Variants in GPC5 observed in about 807,000 individuals in gnomAD.
The protein encoded by GPC5 is glypican 5, also known as glypican-5.
In GPC5, 47 loss-of-function variants were observed where a neutral mutation model predicts 53.9. The ratio of observed to expected loss-of-function variants is 0.87; its 90% CI spans 0.69 to 1.11. The LOEUF (loss-of-function observed/expected upper bound fraction) is 1.11. GPC5 is among the 50% of genes most tolerant of loss of function. The pLI, the probability that GPC5 is intolerant of heterozygous loss-of-function variation, is 0.00. For synonymous variants in GPC5, 286 were observed against 263.3 expected (o/e 1.09, Z -0.84); for missense variants, 748 against 713.1 (o/e 1.05, Z -0.56).
chr13:92,384,863 C>T (rs1057128143), intron 7 of GPC5, among the ~76,000 whole-genome samples: 1 of 152,006 alleles, frequency 6.6e-6, no homozygotes, highest in Non-Finnish European at 1.5e-5. Flanking sequence ...AAAACATGAC[C>T]TCTAAAATTG....
intron 6 of GPC5, among the ~76,000 whole-genome samples, chr13:92,012,949 T>C (rs918844948): frequency 2.6e-5 from 4 of 152,136 alleles, no homozygotes; most frequent in African/African-American, 9.7e-5. Flanking sequence ...ATGTGGGACC[T>C]GGCCAGCAAG....
intron 3 of GPC5, among the ~76,000 whole-genome samples, chr13:91,717,411 G>T (rs1001031820): frequency 1.5e-4 from 23 of 152,232 alleles, no homozygotes; most frequent in Non-Finnish European, 2.9e-4. Flanking sequence ...AGAGCTGAGA[G>T]AGTGTTGGAG....
chr13:91,794,440 C>T (rs1271626683), intron 5 of GPC5, among the ~76,000 whole-genome samples: 2 of 152,292 alleles, frequency 1.3e-5, no homozygotes, highest in Admixed American at 1.3e-4. Context: ...ACCTATAAAC[C>T]TCCAAAAGGG....
chr13:92,000,049 A>G (rs1594715691), intron 6 of GPC5, among the ~76,000 whole-genome samples: 1 of 152,234 alleles, frequency 6.6e-6, no homozygotes, highest in Non-Finnish European at 1.5e-5. Context: ...TGAAGATGAA[A>G]TAAGATCTAA....
intron 5 of GPC5, among the ~76,000 whole-genome samples, chr13:91,852,904 A>G (rs1268935493): frequency 6.6e-6 from 1 of 152,224 alleles, no homozygotes; most frequent in South Asian, 2.1e-4. Context: ...TCGTTATGAA[A>G]TATTTGCTGA....
chr13:92,036,686 T>A (rs1245107101), intron 6 of GPC5, among the ~76,000 whole-genome samples: 1 of 152,236 alleles, frequency 6.6e-6, no homozygotes, highest in East Asian at 1.9e-4. Flanking sequence ...TAACTCACAC[T>A]TAACATCTCT....
intron 2 of GPC5, among the ~76,000 whole-genome samples, chr13:91,599,614 A>G (rs912069220): frequency 2.0e-5 from 3 of 152,226 alleles, no homozygotes; most frequent in African/African-American, 7.2e-5. Context: ...TTCAGTCATC[A>G]TGGGAACAAT....
At chr13:91,977,038 CAATA>C (rs138005450) in intron 6 of GPC5, among the ~76,000 whole-genome samples, 76,509 of 141,492 alleles carry the variant, frequency 0.54, 20,968 homozygotes, top group East Asian at 0.73. Context: ...GATTCTGTCT[CAATA>C]AATAAATAAA....
At chr13:92,832,766 G>T (rs991994261) in intron 7 of GPC5, among the ~76,000 whole-genome samples, 1 of 152,152 alleles carries the variant, frequency 6.6e-6, no homozygotes, top group Non-Finnish European at 1.5e-5. Flanking sequence ...CCCGCACTTT[G>T]GGAGACCAAG....
chr13:92,385,357 T>TAC (rs2043785124), intron 7 of GPC5, among the ~76,000 whole-genome samples: 1 of 80,730 alleles, frequency 1.2e-5, no homozygotes, highest in Non-Finnish European at 2.5e-5. Flanking sequence ...CATATATACA[T>TAC]ATATACATAT....
At chr13:91,659,130 CA>C (rs2034921387) in intron 2 of GPC5, among the ~76,000 whole-genome samples, 1 of 152,098 alleles carries the variant, frequency 6.6e-6, no homozygotes, top group South Asian at 2.1e-4. Flanking sequence ...CTGTCAATCA[CA>C]AAAATTAAAT....
intron 2 of GPC5, among the ~76,000 whole-genome samples, chr13:91,511,352 C>T (rs1441825557): frequency 6.6e-6 from 1 of 151,914 alleles, no homozygotes; most frequent in Non-Finnish European, 1.5e-5. Context: ...ATTATATGTC[C>T]ATTATTTGGC....
At chr13:92,207,667 T>C (rs2042347227) in intron 7 of GPC5, among the ~76,000 whole-genome samples, 1 of 152,204 alleles carries the variant, frequency 6.6e-6, no homozygotes, top group South Asian at 2.1e-4. Flanking sequence ...GCCTTCATCT[T>C]CTCTTATTTT....
chr13:92,257,849 C>G (rs1002466994), intron 7 of GPC5, among the ~76,000 whole-genome samples: 5 of 151,964 alleles, frequency 3.3e-5, no homozygotes, highest in African/African-American at 9.7e-5. Flanking sequence ...CACGCCTGGC[C>G]TACAGGGGTG....
intron 2 of GPC5, among the ~76,000 whole-genome samples, chr13:91,674,422 C>CAT (rs1371536211): frequency 1.3e-4 from 19 of 147,362 alleles, no homozygotes; most frequent in African/African-American, 2.9e-4. Context: ...TACACACACA[C>CAT]ATATATATAC....
chr13:91,847,132 T>C (rs2138883197), intron 5 of GPC5, among the ~76,000 whole-genome samples: 1 of 143,314 alleles, frequency 7.0e-6, no homozygotes, highest in Middle Eastern at 3.9e-3. Context: ...GGCAGGAGAA[T>C]GGTGTGAACC....
At chr13:91,500,984 C>T (rs595185) in intron 2 of GPC5, among the ~76,000 whole-genome samples, 141,282 of 152,202 alleles carry the variant, frequency 0.93, 66,480 homozygotes, top group East Asian at 1. Flanking sequence ...GAAGATGTGC[C>T]TTTCACCTTC....
intron 7 of GPC5, among the ~76,000 whole-genome samples, chr13:92,567,812 A>G (rs555324887): frequency 6.6e-6 from 1 of 152,296 alleles, no homozygotes; most frequent in East Asian, 1.9e-4. Context: ...ACAGAGCTGT[A>G]AGATCTTACA....
Position 92,818,774 on chromosome 13 carries a change from G to A in GPC5, c.1562-47508G>A, listed in dbSNP as rs1005031786. Among the ~76,000 whole-genome samples the A allele has an allele frequency of 4.6e-5, 7 of 151,996 alleles. No individual in the cohort carries two copies. In the South Asian group the frequency reaches 6.2e-4, roughly 13 times the overall value. On this transcript the variant is annotated intron_variant, in intron 7 of 7. Coordinates refer to ENST00000377067, the MANE Select transcript of GPC5 (RefSeq NM_004466.6). ...TGATGAATAATAGAGAACTTCCACC[G>A]TTCAAGTGTCTGACTAGAACAGAAT...
Sources: allele counts gnomAD v4.1 joint callset (sites outside exome capture counted in the v4.1 genomes callset), GRCh38; gene constraint gnomAD v4.1.1; transcripts MANE v1.5; gene names NCBI Gene and HGNC (gene_info 2026-07-23, HGNC 2026-07-21).